SUSD6: variants seen among roughly 807,000 people sequenced by gnomAD.
SUSD6 encodes sushi domain-containing protein 6.
In SUSD6, 16 loss-of-function variants were observed where a neutral mutation model predicts 28.4. That is an observed-to-expected ratio of 0.56 (90% CI 0.38 to 0.86). The LOEUF (loss-of-function observed/expected upper bound fraction) is 0.86, where lower values mean the gene tolerates loss of function less well. SUSD6 is among the 40% of genes least tolerant of loss of function. The pLI, the probability that SUSD6 is intolerant of heterozygous loss-of-function variation, is 0.00. For synonymous variants in SUSD6, 147 were observed against 159.6 expected (o/e 0.92, Z 0.59); for missense variants, 341 against 384.2 (o/e 0.89, Z 0.94).
intron 2 of SUSD6, among the ~76,000 whole-genome samples, chr14:69,691,981 G>T (rs8008410): frequency 0.48 from 71,565 of 150,462 alleles, 19,866 homozygotes; most frequent in East Asian, 0.69. Context: ...GGAGGTTGCA[G>T]TGAGCTGAGA....
intron 2 of SUSD6, among the ~76,000 whole-genome samples, chr14:69,667,016 C>A (rs1362434081): frequency 6.6e-6 from 1 of 152,188 alleles, no homozygotes; most frequent in Non-Finnish European, 1.5e-5. Flanking sequence ...GTAGTAGACA[C>A]ATGTCTCCTT....
At chr14:69,611,921 C>G (rs1207866976) in intron 1 of SUSD6, 93 bp downstream of exon 1, 1 of 151,240 alleles carries the variant, frequency 6.6e-6, no homozygotes, top group Non-Finnish European at 1.5e-5. Flanking sequence ...CAGCGCGCAC[C>G]GCCCAGGAGT....
At position 69,642,662 on chromosome 14, in the gene SUSD6, T is replaced by C. The variant is rs77672276; in HGVS notation, c.-80-15851T>C. Among the ~76,000 whole-genome samples, 781 of 125,702 alleles carry C rather than the reference T, an allele frequency of 6.2e-3. 8 individuals are homozygous for C. The highest frequency in any genetic ancestry group is 0.022 in the African/African-American group (732 of 33,726). The allele number at this position is 125,702 out of a possible 152,430, so 82.5% of individuals were successfully genotyped here. A position where few individuals can be genotyped will look rare whatever the true frequency, so the allele number is the denominator to read the frequency against. On this transcript the variant is annotated intron_variant, in intron 1 of 5. Coordinates refer to ENST00000342745, the MANE Select transcript of SUSD6 (RefSeq NM_014734.4). ...ATTACCCCGCCCCCCGCCCCCCTGC[T>C]GGGTCCCTCCCACAACACGAGAGAA...
chr14:69,684,562 A>T (rs1355911112), intron 2 of SUSD6, among the ~76,000 whole-genome samples: 1 of 152,264 alleles, frequency 6.6e-6, no homozygotes, highest in East Asian at 1.9e-4. Flanking sequence ...TAATGGTCAG[A>T]AAATGAATGA....
chr14:69,654,036 C>A (rs1885542739), intron 1 of SUSD6, among the ~76,000 whole-genome samples: 1 of 152,192 alleles, frequency 6.6e-6, no homozygotes, highest in Non-Finnish European at 1.5e-5. Flanking sequence ...GCCCTCATTT[C>A]CATCACCCCG....
chr14:69,685,056 A>T (rs1316586500), intron 2 of SUSD6, among the ~76,000 whole-genome samples: 1 of 152,254 alleles, frequency 6.6e-6, no homozygotes, highest in Non-Finnish European at 1.5e-5. Flanking sequence ...CAGAAGTCAC[A>T]GTGGGAAATT....
At chr14:69,675,812 T>G (rs1450697655) in intron 2 of SUSD6, among the ~76,000 whole-genome samples, 1 of 152,070 alleles carries the variant, frequency 6.6e-6, no homozygotes, top group Non-Finnish European at 1.5e-5. Context: ...GAGATGAGGT[T>G]TCACTGTGTT....
At position 69,708,759 on chromosome 14, in the gene SUSD6, G is replaced by A. The variant is rs769027479; in HGVS notation, c.541G>A (p.Val181Ile). ...QVALPSYEEA[V>I]YGSSGHCVPP... ...TGCACTACCATCATACGAGGAGGCT[G>A]TATATGGCAGTTCTGGTCACTGTGT... is the stretch of plus-strand genomic sequence containing the variant. Residue 181 changes from valine (V) to isoleucine (I), a missense_variant, in exon 5 of 6, where the codon GTA becomes ATA. Coordinates refer to ENST00000342745, the MANE Select transcript of SUSD6 (RefSeq NM_014734.4). The A allele has an allele frequency of 1.9e-6, 3 of 1,614,080 alleles. No homozygotes were observed. Among genetic ancestry groups the A allele is most frequent in the Non-Finnish European group, 2.5e-6 (3 of 1,179,972 alleles).
intron 2 of SUSD6, among the ~76,000 whole-genome samples, chr14:69,666,956 T>G (rs533081912): frequency 4.6e-5 from 7 of 152,334 alleles, no homozygotes; most frequent in African/African-American, 1.7e-4. Context: ...TTATTCTGAG[T>G]AACAAGTGAC....
intron 1 of SUSD6, among the ~76,000 whole-genome samples, chr14:69,658,019 T>C (rs553918649): frequency 2.0e-5 from 3 of 152,374 alleles, no homozygotes; most frequent in East Asian, 1.9e-4. Flanking sequence ...CATCAGCCTT[T>C]GGCAGTTTAG....
intron 5 of SUSD6, among the ~76,000 whole-genome samples, chr14:69,710,742 G>GT (rs761720200): frequency 1.3e-5 from 2 of 152,074 alleles, no homozygotes; most frequent in South Asian, 2.1e-4. Context: ...TGAACATTGA[G>GT]TTTTTTTCAC....
chr14:69,681,212 A>C (rs1566602461), intron 2 of SUSD6, among the ~76,000 whole-genome samples: 1 of 152,302 alleles, frequency 6.6e-6, no homozygotes, highest in African/African-American at 2.4e-5. Flanking sequence ...AAAGTAGTAC[A>C]TTGACATCTG....
chr14:69,642,886 C>T (rs1249036231), intron 1 of SUSD6, among the ~76,000 whole-genome samples: 1 of 152,214 alleles, frequency 6.6e-6, no homozygotes, highest in Non-Finnish European at 1.5e-5. Flanking sequence ...AGGGGTCCCT[C>T]TGCAGATGTT....
intron 1 of SUSD6, among the ~76,000 whole-genome samples, chr14:69,647,200 G>A (rs190440776): frequency 3.9e-5 from 6 of 152,284 alleles, no homozygotes; most frequent in Non-Finnish European, 8.8e-5. Flanking sequence ...CTAACTTTTG[G>A]GAAGGTCATT....
intron 1 of SUSD6, among the ~76,000 whole-genome samples, chr14:69,645,829 A>T (rs1013675847): frequency 6.6e-6 from 1 of 151,360 alleles, no homozygotes; most frequent in Admixed American, 6.6e-5. Flanking sequence ...AGCTCACTGT[A>T]ACCTCCGCCT....
intron 2 of SUSD6, among the ~76,000 whole-genome samples, chr14:69,668,635 C>CA (rs11462807): frequency 0.84 from 115,298 of 137,980 alleles, 48,968 homozygotes; most frequent in Non-Finnish European, 0.91. Flanking sequence ...GAATTCGTCT[C>CA]AAAAAAAAAA....
intron 2 of SUSD6, among the ~76,000 whole-genome samples, chr14:69,660,888 C>T (rs1885652193): frequency 6.6e-6 from 1 of 152,196 alleles, no homozygotes; most frequent in Non-Finnish European, 1.5e-5. Context: ...TGACAAAGAC[C>T]ATGTGGCCTG....
At chr14:69,612,103 C>A (rs1884885549) in intron 1 of SUSD6, among the ~76,000 whole-genome samples, 1 of 151,550 alleles carries the variant, frequency 6.6e-6, no homozygotes, top group African/African-American at 2.4e-5. Context: ...GGTTTGCGGC[C>A]GGGAACTTGG....
intron 2 of SUSD6, among the ~76,000 whole-genome samples, chr14:69,685,855 G>A (rs1019587121): frequency 6.6e-6 from 1 of 152,132 alleles, no homozygotes; most frequent in Non-Finnish European, 1.5e-5. Context: ...TTGACACCCC[G>A]ATTGCCTTTG....
Sources: allele counts gnomAD v4.1 joint callset (sites outside exome capture counted in the v4.1 genomes callset), GRCh38; gene constraint gnomAD v4.1.1; transcripts MANE v1.5; gene names NCBI Gene and HGNC (gene_info 2026-07-23, HGNC 2026-07-21).